UCK2: variants seen among roughly 807,000 people sequenced by gnomAD.
The protein encoded by UCK2 is cytidine monophosphokinase 2.
In UCK2, 6 loss-of-function variants were observed where a neutral mutation model predicts 30.8. The ratio of observed to expected loss-of-function variants is 0.19; its 90% CI spans 0.11 to 0.38. UCK2 has a LOEUF of 0.38. Ranked by LOEUF, UCK2 falls within the 10% of genes least tolerant of loss-of-function variation. The pLI is 1.00. For missense variants in UCK2, 210 were observed against 339.8 expected, an observed-to-expected ratio of 0.62 and a Z score of 3.00; for synonymous variants, 125 against 133.6, an observed-to-expected ratio of 0.94 and a Z score of 0.45.
At chr1:165,846,369 G>A (rs1294870305) in intron 1 of UCK2, among the ~76,000 whole-genome samples, 1 of 152,104 alleles carries the variant, frequency 6.6e-6, no homozygotes, top group Non-Finnish European at 1.5e-5. Flanking sequence ...AATTCCTATG[G>A]GTATGGGATT....
chr1:165,831,259 A>G (rs1654040137), intron 1 of UCK2, among the ~76,000 whole-genome samples: 1 of 151,774 alleles, frequency 6.6e-6, no homozygotes, highest in Non-Finnish European at 1.5e-5. Context: ...TTAGCCATGT[A>G]TGTGCCACCA....
intron 1 of UCK2, among the ~76,000 whole-genome samples, chr1:165,845,113 A>G (rs1005900088): frequency 6.6e-6 from 1 of 152,164 alleles, no homozygotes; most frequent in Non-Finnish European, 1.5e-5. Context: ...AGTATGGGGC[A>G]GTCTTGGGGA....
At position 165,850,767 on chromosome 1, in the gene UCK2, C is replaced by T. The variant is rs1304656976; in HGVS notation, c.99+22835C>T. Among the ~76,000 whole-genome samples the T allele has an allele frequency of 6.2e-4, 94 of 151,566 alleles. 1 individual carries two copies. The highest frequency in any genetic ancestry group is 2.4e-4 in the Non-Finnish European group (16 of 67,880). On this transcript the variant is annotated intron_variant, in intron 1 of 6. Transcript: ENST00000367879. ...CCGAGTAGCTGAGACTACAGGCGCCCGCCACCACACCCAGCTAATTTTTTT... is the reference window on the plus strand; with the variant it reads ...CCGAGTAGCTGAGACTACAGGCGCCTGCCACCACACCCAGCTAATTTTTTT...
intron 1 of UCK2, among the ~76,000 whole-genome samples, chr1:165,836,595 T>C (rs114646421): frequency 0.01 from 1,598 of 152,336 alleles, 13 homozygotes; most frequent in South Asian, 0.019. Context: ...GTAAAAGGAA[T>C]TGTTATTCAG....
At chr1:165,841,118 T>C (rs1172020788) in intron 1 of UCK2, among the ~76,000 whole-genome samples, 4 of 149,576 alleles carry the variant, frequency 2.7e-5, no homozygotes, top group South Asian at 4.2e-4. Flanking sequence ...TGTGTATATA[T>C]ATATATATAT....
At chr1:165,887,768 AT>A (rs1333322050) in intron 1 of UCK2, among the ~76,000 whole-genome samples, 1 of 123,604 alleles carries the variant, frequency 8.1e-6, no homozygotes, top group African/African-American at 2.8e-5. Context: ...AGAGCCTTTG[AT>A]TTCCCCCCCC....
At chr1:165,887,962 C>T (rs1031126424) in intron 1 of UCK2, among the ~76,000 whole-genome samples, 6 of 152,216 alleles carry the variant, frequency 3.9e-5, no homozygotes, top group South Asian at 2.1e-4. Flanking sequence ...ATCATGAAGG[C>T]GAAATAAATT....
chr1:165,829,115 G>C (rs1653975512), intron 1 of UCK2, among the ~76,000 whole-genome samples: 1 of 152,104 alleles, frequency 6.6e-6, no homozygotes, highest in Non-Finnish European at 1.5e-5. Context: ...CTACTTTAGC[G>C]CAAGGAGCCC....
chr1:165,828,084 G>C (rs1182103217), intron 1 of UCK2, 152 bp downstream of exon 1: 8 of 351,444 alleles, frequency 2.3e-5, no homozygotes, highest in Non-Finnish European at 3.3e-5. Flanking sequence ...AGTGCGCCCC[G>C]CGCGGCCTGG....
intron 4 of UCK2, among the ~76,000 whole-genome samples, chr1:165,901,707 G>A (rs1647472022): frequency 6.6e-6 from 1 of 152,110 alleles, no homozygotes; most frequent in South Asian, 2.1e-4. Flanking sequence ...GCAAAGAGAG[G>A]CAGTTTTAAT....
At chr1:165,841,684 G>A (rs564579040) in intron 1 of UCK2, among the ~76,000 whole-genome samples, 2 of 152,302 alleles carry the variant, frequency 1.3e-5, no homozygotes, top group East Asian at 3.9e-4. Context: ...TGACCTCAGG[G>A]AGCTTGTATG....
chr1:165,833,137 C>G (rs1163321313), intron 1 of UCK2, among the ~76,000 whole-genome samples: 1 of 152,132 alleles, frequency 6.6e-6, no homozygotes, highest in Non-Finnish European at 1.5e-5. Context: ...GAACCTTGGT[C>G]GCCATCCCCA....
At chr1:165,846,832 G>A (rs1042601960) in intron 1 of UCK2, among the ~76,000 whole-genome samples, 4 of 152,166 alleles carry the variant, frequency 2.6e-5, no homozygotes, top group Non-Finnish European at 4.4e-5. Context: ...TAAAATGAGA[G>A]AGGGCAGTTT....
In UCK2 at chr1:165,909,944, ACTG is replaced by A. The variant is rs1236399898; in HGVS notation, c.*2123_*2125del. 1 of 152,240 alleles carries A rather than the reference ACTG, an allele frequency of 6.6e-6. No individual in the cohort carries two copies. Among genetic ancestry groups the A allele is most frequent in the Non-Finnish European group, 1.5e-5 (1 of 68,080 alleles). 9.4% of individuals were successfully genotyped at this position (152,240 alleles called of 1,614,324 possible). Reference sequence around the variant, plus strand: ...ATTTAGTGCCTTGGCTGTTTATCCCACTGCCTTGGAAGATGGACTCCTCTCATC... The same window carrying A: ...ATTTAGTGCCTTGGCTGTTTATCCCACCTTGGAAGATGGACTCCTCTCATC... On this transcript the variant is annotated 3_prime_UTR_variant, in exon 7 of 7. Transcript: ENST00000367879.
chr1:165,890,105 T>G, intron 1 of UCK2, 99 bp from the exon 2 acceptor site: 1 of 1,364,984 alleles, frequency 7.3e-7, no homozygotes, highest in Non-Finnish European at 1.0e-6. Context: ...CCAGAGCCCC[T>G]TCTTGGAAGG....
intron 1 of UCK2, among the ~76,000 whole-genome samples, chr1:165,851,725 C>T (rs1300419205): frequency 1.3e-5 from 2 of 152,054 alleles, no homozygotes; most frequent in East Asian, 1.9e-4. Context: ...CCTATTGACT[C>T]GTCCTCTAAG....
intron 5 of UCK2, among the ~76,000 whole-genome samples, chr1:165,904,585 A>G (rs965469764): frequency 1.3e-5 from 2 of 152,240 alleles, no homozygotes; most frequent in Non-Finnish European, 2.9e-5. Flanking sequence ...AAAATTCTGC[A>G]GACGTTTTCT....
chr1:165,904,526 CAT>C (rs1213439244), intron 5 of UCK2, among the ~76,000 whole-genome samples: 1 of 152,194 alleles, frequency 6.6e-6, no homozygotes, highest in Non-Finnish European at 1.5e-5. Flanking sequence ...GGATATCAGT[CAT>C]ATTTAACTGT....
intron 1 of UCK2, among the ~76,000 whole-genome samples, chr1:165,886,580 C>T (rs61024132): frequency 0.015 from 2,230 of 152,312 alleles, 55 homozygotes; most frequent in African/African-American, 0.046. Context: ...TAGGTGCACG[C>T]CACTGTGCCC....
Sources: allele counts gnomAD v4.1 joint callset (sites outside exome capture counted in the v4.1 genomes callset), GRCh38; gene constraint gnomAD v4.1.1; transcripts MANE v1.5; gene names NCBI Gene and HGNC (gene_info 2026-07-23, HGNC 2026-07-21).